Variants in MALRD1 observed in about 807,000 individuals in gnomAD.
MALRD1 encodes MAM and LDL-receptor class A domain-containing protein 1.
Under a neutral mutation model 242.1 loss-of-function variants are expected in MALRD1, and 247 were observed. That is an observed-to-expected ratio of 1.02 (90% CI 0.92 to 1.13). MALRD1 has a LOEUF of 1.13. Among genes scored for constraint, MALRD1 ranks in the 50% most tolerant of loss-of-function variants. The probability of loss-of-function intolerance (pLI) is 0.00; values close to 1 mark genes in which losing one functional copy is unlikely to be tolerated. For synonymous variants in MALRD1, 995 were observed against 866.6 expected (o/e 1.15, Z -2.60); for missense variants, 2,989 against 2,533.1 (o/e 1.18, Z -3.86).
At position 19,389,773 on chromosome 10, in the gene MALRD1, G is replaced by A. The variant is rs185836661; in HGVS notation, c.4845+164G>A. Among the ~76,000 whole-genome samples the A allele has an allele frequency of 1.8e-3, 278 of 152,232 alleles. 1 individual carries two copies. The highest frequency in any genetic ancestry group is 3.3e-3 in the Non-Finnish European group (223 of 68,030). ...TCCTGCCTCTGCCTCCCGAATAACT[G>A]GGACTACAGGCATGCACCATCATGC... is the stretch of plus-strand genomic sequence containing the variant. On this transcript the variant is annotated intron_variant, in intron 28 of 39. Coordinates refer to ENST00000454679, the MANE Select transcript of MALRD1 (RefSeq NM_001142308.3).
intron 29 of MALRD1, among the ~76,000 whole-genome samples, chr10:19,451,807 A>G (rs1396275393): frequency 6.6e-6 from 1 of 152,110 alleles, no homozygotes; most frequent in Non-Finnish European, 1.5e-5. Flanking sequence ...CCTCCAACCT[A>G]TGTTTCCAGA....
chr10:19,136,949 A>G (rs571638178), intron 10 of MALRD1, among the ~76,000 whole-genome samples, 168 bp downstream of exon 10: 1 of 152,292 alleles, frequency 6.6e-6, no homozygotes, highest in Admixed American at 6.5e-5. Flanking sequence ...AGGGATCTCT[A>G]TTTTAACTTA....
At chr10:19,538,984 T>C (rs987526538) in intron 32 of MALRD1, among the ~76,000 whole-genome samples, 1 of 152,204 alleles carries the variant, frequency 6.6e-6, no homozygotes, top group Non-Finnish European at 1.5e-5. Context: ...ATTTAGCATG[T>C]ATATGCTCCA....
chr10:19,677,030 TG>T (rs1234279934), intron 36 of MALRD1, among the ~76,000 whole-genome samples: 1 of 152,210 alleles, frequency 6.6e-6, no homozygotes, highest in Non-Finnish European at 1.5e-5. Flanking sequence ...TATCCCATGG[TG>T]TATATGTACC....
At chr10:19,471,803 A>G (rs901367377) in intron 29 of MALRD1, among the ~76,000 whole-genome samples, 1 of 151,718 alleles carries the variant, frequency 6.6e-6, no homozygotes, top group Non-Finnish European at 1.5e-5. Flanking sequence ...TTGTTTAATA[A>G]TTCTAACAGG....
At chr10:19,067,381 G>C (rs529053082) in intron 2 of MALRD1, among the ~76,000 whole-genome samples, 13 of 152,006 alleles carry the variant, frequency 8.6e-5, no homozygotes, top group Admixed American at 7.2e-4. Context: ...TCAACATTGC[G>C]TACCGGGTGT....
intron 32 of MALRD1, among the ~76,000 whole-genome samples, chr10:19,566,396 C>T (rs1219229325): frequency 3.3e-5 from 5 of 150,310 alleles, no homozygotes; most frequent in African/African-American, 1.2e-4. Flanking sequence ...GCCTTGGCCT[C>T]CCAAAGTGCT....
At chr10:19,117,575 A>G (rs1016880154) in intron 5 of MALRD1, among the ~76,000 whole-genome samples, 6 of 152,326 alleles carry the variant, frequency 3.9e-5, no homozygotes, top group African/African-American at 1.4e-4. Flanking sequence ...TGAATCTACA[A>G]AAATTACAGT....
chr10:19,521,913 C>T (rs896125204), intron 31 of MALRD1, among the ~76,000 whole-genome samples: 14 of 151,994 alleles, frequency 9.2e-5, no homozygotes, highest in Non-Finnish European at 2.9e-5. Flanking sequence ...ACTGTTAATT[C>T]TCTCTCAATT....
chr10:19,099,958 G>A (rs565963848), intron 4 of MALRD1, among the ~76,000 whole-genome samples: 2 of 151,920 alleles, frequency 1.3e-5, no homozygotes, highest in South Asian at 2.1e-4. Flanking sequence ...ATGGGGTTTC[G>A]CCATGTTGGC....
chr10:19,596,441 T>G (rs981378257), intron 34 of MALRD1, among the ~76,000 whole-genome samples: 1 of 152,096 alleles, frequency 6.6e-6, no homozygotes, highest in African/African-American at 2.4e-5. Context: ...AGGGGAACAT[T>G]GAATGAGGCT....
intron 9 of MALRD1, among the ~76,000 whole-genome samples, chr10:19,135,878 A>G (rs1833316885): frequency 6.6e-6 from 1 of 152,202 alleles, no homozygotes; most frequent in African/African-American, 2.4e-5. Flanking sequence ...CTTACACTTG[A>G]CCAGCAATGT....
intron 32 of MALRD1, among the ~76,000 whole-genome samples, chr10:19,560,152 G>A (rs182456072): frequency 5.1e-3 from 774 of 152,276 alleles, no homozygotes; most frequent in Admixed American, 9.3e-3. Flanking sequence ...ATACCCAAAG[G>A]ATTATAAATC....
At chr10:19,380,927 A>G (rs1174260773) in intron 26 of MALRD1, among the ~76,000 whole-genome samples, 2 of 149,462 alleles carry the variant, frequency 1.3e-5, no homozygotes, top group Admixed American at 6.7e-5. Flanking sequence ...TTTTTTTTAT[A>G]CTTTAGGTTT....
At chr10:19,636,612 A>G (rs911603516) in intron 36 of MALRD1, among the ~76,000 whole-genome samples, 1 of 152,168 alleles carries the variant, frequency 6.6e-6, no homozygotes, top group African/African-American at 2.4e-5. Flanking sequence ...TTCAACCAGT[A>G]CAGTGGCCCA....
intron 38 of MALRD1, among the ~76,000 whole-genome samples, chr10:19,698,657 A>G (rs1291694870): frequency 6.6e-6 from 1 of 152,230 alleles, no homozygotes; most frequent in African/African-American, 2.4e-5. Context: ...CTCCAAAAGA[A>G]CAATAGTTTA....
At chr10:19,238,371 A>G (rs1377935781) in intron 18 of MALRD1, among the ~76,000 whole-genome samples, 11 of 82,218 alleles carry the variant, frequency 1.3e-4, no homozygotes, top group African/African-American at 3.6e-4. Flanking sequence ...CATAATATAT[A>G]TTATACATAA....
At chr10:19,596,763 G>T (rs1023217254) in intron 34 of MALRD1, among the ~76,000 whole-genome samples, 3 of 100,184 alleles carry the variant, frequency 3.0e-5, no homozygotes, top group Admixed American at 2.7e-4. Context: ...AGAAAAGAAC[G>T]AAAGAAAGAG....
chr10:19,464,948 ATTTTT>A (rs60320410), intron 29 of MALRD1, among the ~76,000 whole-genome samples: 1 of 133,812 alleles, frequency 7.5e-6, no homozygotes, highest in East Asian at 2.1e-4. Flanking sequence ...TATAATTCCA[ATTTTT>A]TTTTTTTTTT....
Sources: gnomAD v4.1 joint callset for allele counts (sites outside exome capture counted in the v4.1 genomes callset) on GRCh38, gnomAD v4.1.1 for gene constraint, MANE v1.5 for transcripts, NCBI Gene and HGNC (gene_info 2026-07-23, HGNC 2026-07-21) for gene names.